The following TLL2 variants were observed in gnomAD, a reference collection of about 807,000 sequenced individuals.
TLL2 encodes tolloid like 2, also known as tolloid-like protein 2.
In TLL2, 106 loss-of-function variants were observed where a neutral mutation model predicts 123.0. That is an observed-to-expected ratio of 0.86 (90% CI 0.74 to 1.01). The LOEUF is 1.01. Among genes scored for constraint, TLL2 ranks in the 50% least tolerant of loss-of-function variants. TLL2 has a pLI of 0.00. For missense variants in TLL2, 1,332 were observed against 1,336.7 expected (o/e 1.00, Z 0.06); for synonymous variants, 494 against 516.8 (o/e 0.96, Z 0.60).
intron 1 of TLL2, among the ~76,000 whole-genome samples, chr10:96,504,617 T>C (rs1206370326): frequency 6.6e-6 from 1 of 152,138 alleles, no homozygotes. Context: ...CTATCAGAAT[T>C]GGCACCATTA....
chr10:96,446,203 C>A lies in TLL2; in HGVS notation c.287-35G>T. On this transcript the variant is annotated intron_variant, in intron 2 of 20. Transcript: ENST00000357947. ...TGGAGAAGAAAGAGGCATGAGGACA[C>A]ATCAGCCTTCTCTGCATCAGCACCA... 3 of 1,606,462 alleles carry A rather than the reference C, an allele frequency of 1.9e-6. No homozygotes were observed. The South Asian group carries it at 3.3e-5, about 18-fold the overall frequency.
chr10:96,397,338 G>A lies in TLL2; in HGVS notation c.1268-36C>T, dbSNP rs766068670. The A allele has an allele frequency of 3.2e-6, 5 of 1,558,632 alleles. No homozygotes were observed. In the Admixed American group the frequency reaches 7.1e-5, roughly 22 times the overall value. On this transcript the variant is annotated intron_variant, in intron 10 of 20. Transcript: ENST00000357947. ...GAAAAAGAAGCAGTTAGGAGCCCTG[G>A]GGACAGCAAGAAGGCACTGGCTTCA...
chr10:96,404,019 C>T (rs1846424273), intron 10 of TLL2, among the ~76,000 whole-genome samples: 1 of 152,026 alleles, frequency 6.6e-6, no homozygotes, highest in South Asian at 2.1e-4. Flanking sequence ...TTGTTGCTGA[C>T]CTTCTCCTTA....
At chr10:96,380,964 C>T (rs555416300) in intron 16 of TLL2, among the ~76,000 whole-genome samples, 25 of 150,310 alleles carry the variant, frequency 1.7e-4, no homozygotes, top group African/African-American at 5.6e-4. Flanking sequence ...GCAACAAGAG[C>T]GACACTCTGT....
intron 1 of TLL2, among the ~76,000 whole-genome samples, chr10:96,503,639 C>G (rs988317284): frequency 5.9e-5 from 9 of 152,222 alleles, no homozygotes; most frequent in African/African-American, 1.9e-4. Flanking sequence ...TCACCCTCAA[C>G]TGACCTGATA....
intron 14 of TLL2, among the ~76,000 whole-genome samples, chr10:96,386,629 G>A (rs560208056): frequency 2.0e-5 from 3 of 152,168 alleles, no homozygotes; most frequent in Admixed American, 2.0e-4. Flanking sequence ...AAGTGCTATC[G>A]GTTGAGTCAC....
intron 2 of TLL2, among the ~76,000 whole-genome samples, chr10:96,452,340 G>T (rs1846968941): frequency 6.6e-6 from 1 of 152,124 alleles, no homozygotes; most frequent in South Asian, 2.1e-4. Context: ...AACAAAAACT[G>T]CAAGGAAAAA....
intron 1 of TLL2, among the ~76,000 whole-genome samples, chr10:96,494,693 G>A (rs1353779594): frequency 6.6e-6 from 1 of 152,212 alleles, no homozygotes; most frequent in African/African-American, 2.4e-5. Context: ...GGGAAGAGAC[G>A]AGGTCTGCAT....
chr10:96,513,542 C>G lies in TLL2; in HGVS notation c.144G>C (p.Gln48His), dbSNP rs1371828636. 6.2e-7 allele frequency: 1 copy of G among 1,612,634 alleles called. No homozygotes were observed. Among genetic ancestry groups the G allele is most frequent in the East Asian group, 2.2e-5 (1 of 44,830 alleles). The change falls in exon 1 of 21, where the codon CAG becomes CAC. Residue 48 changes from glutamine to histidine, a missense_variant. Coordinates refer to ENST00000357947, the MANE Select transcript of TLL2 (RefSeq NM_012465.4). ...TGCAAGGGTCGTGGTAATGCTCCAG[C>G]TGCTGCTCCGTGCCCTCCTCGCCGT... ...ELDGEEGTEQ[Q>H]LEHYHDPCKA...
intron 2 of TLL2, among the ~76,000 whole-genome samples, chr10:96,477,972 T>C (rs1847276694): frequency 6.6e-6 from 1 of 152,236 alleles, no homozygotes; most frequent in African/African-American, 2.4e-5. Context: ...ATGTAGGCTC[T>C]GTGCTCTATC....
intron 13 of TLL2, among the ~76,000 whole-genome samples, chr10:96,392,410 AT>A (rs1846298086): frequency 6.6e-6 from 1 of 151,952 alleles, no homozygotes; most frequent in African/African-American, 2.4e-5. Flanking sequence ...AAAAAAAATC[AT>A]TCTGTATCTA....
At chr10:96,383,427 C>T (rs1846203199) in intron 16 of TLL2, among the ~76,000 whole-genome samples, 1 of 152,088 alleles carries the variant, frequency 6.6e-6, no homozygotes, top group South Asian at 2.1e-4. Context: ...CGGTTTCCCC[C>T]ATACTGTTCT....
intron 5 of TLL2, 98 bp downstream of exon 5, chr10:96,428,533 A>T: frequency 1.2e-6 from 1 of 804,482 alleles, no homozygotes; most frequent in Non-Finnish European, 2.0e-6. Flanking sequence ...TCCTCTAAAT[A>T]ACAGCTCATT....
chr10:96,453,985 A>G (rs1846985591), intron 2 of TLL2, among the ~76,000 whole-genome samples: 1 of 151,256 alleles, frequency 6.6e-6, no homozygotes, highest in East Asian at 1.9e-4. Flanking sequence ...ATCATACACT[A>G]TGCCTGCATT....
chr10:96,387,871 A>T (rs192866125), intron 13 of TLL2, among the ~76,000 whole-genome samples: 1 of 152,178 alleles, frequency 6.6e-6, no homozygotes, highest in African/African-American at 2.4e-5. Context: ...AAACCAAAAC[A>T]CATGTTAGAA....
chr10:96,413,375 G>A (rs955141220), intron 7 of TLL2, 59 bp from the exon 8 acceptor site: 15 of 1,578,000 alleles, frequency 9.5e-6, no homozygotes, highest in Non-Finnish European at 1.3e-5. Flanking sequence ...TGTCTGTGCT[G>A]GGATTTCTAG....
At chr10:96,399,308 A>G (rs1160099015) in intron 10 of TLL2, among the ~76,000 whole-genome samples, 1 of 152,200 alleles carries the variant, frequency 6.6e-6, no homozygotes, top group Non-Finnish European at 1.5e-5. Context: ...CAATTCACAG[A>G]TATGTCACGG....
chr10:96,459,918 G>GA (rs1429565072), intron 2 of TLL2, among the ~76,000 whole-genome samples: 1 of 151,036 alleles, frequency 6.6e-6, no homozygotes, highest in African/African-American at 2.4e-5. Flanking sequence ...TGGATTGAAA[G>GA]AAAGTATAAG....
intron 4 of TLL2, among the ~76,000 whole-genome samples, chr10:96,431,569 G>A (rs767512716): frequency 2.6e-5 from 4 of 152,164 alleles, no homozygotes; most frequent in Non-Finnish European, 5.9e-5. Context: ...ATTGACATTG[G>A]CCGCAGGTAC....
Sources: allele counts gnomAD v4.1 joint callset (sites outside exome capture counted in the v4.1 genomes callset), GRCh38; gene constraint gnomAD v4.1.1; transcripts MANE v1.5; gene names NCBI Gene and HGNC (gene_info 2026-07-23, HGNC 2026-07-21).